The following MSL1 variants were observed in gnomAD, a reference collection of about 807,000 sequenced individuals.
MSL1 encodes MSL complex subunit 1.
A neutral mutation model predicts 64.6 loss-of-function variants in MSL1; 21 were observed. The ratio of observed to expected loss-of-function variants is 0.33; its 90% CI spans 0.23 to 0.47. The LOEUF is 0.47. Ranked by LOEUF, MSL1 falls within the 20% of genes least tolerant of loss-of-function variation. MSL1 has a pLI of 1.00. For missense variants in MSL1, 664 were observed against 793.2 expected, an observed-to-expected ratio of 0.84 and a Z score of 1.96; for synonymous variants, 339 against 329.6, an observed-to-expected ratio of 1.03 and a Z score of -0.31.
chr17:40,128,898 C>T (rs914219035), intron 2 of MSL1, among the ~76,000 whole-genome samples: 4 of 151,910 alleles, frequency 2.6e-5, no homozygotes, highest in African/African-American at 9.7e-5. Context: ...CCTGTAATCC[C>T]AGCTACTCAG....
chr17:40,125,309 G>A (rs1988288465), intron 1 of MSL1, among the ~76,000 whole-genome samples: 1 of 152,010 alleles, frequency 6.6e-6, no homozygotes, highest in African/African-American at 2.4e-5. Context: ...TGGAATTATG[G>A]GTACTGATTT....
At chr17:40,132,984 T>C in intron 5 of MSL1, 58 bp from the exon 6 acceptor site, 1 of 1,466,016 alleles carries the variant, frequency 6.8e-7, no homozygotes, top group Non-Finnish European at 9.4e-7. Context: ...TTAGTTAGTA[T>C]ATGTGTGTAA....
intron 6 of MSL1, 129 bp downstream of exon 6, chr17:40,133,238 C>T: frequency 1.1e-6 from 1 of 892,038 alleles, no homozygotes; most frequent in Non-Finnish European, 1.7e-6. Flanking sequence ...ACATTACTGG[C>T]TTCCCAGTTG....
rs1161687651 is a variant in MSL1 at position 40,136,147 on chromosome 17, C to T, written c.*1778C>T. On this transcript the variant is annotated 3_prime_UTR_variant, in exon 9 of 9. Transcript: ENST00000398532. ...AAGAAAAAAGACCCAATCAGTGTCT[C>T]TTGACTTTGTTCTTTGATCCCTCAG... 1 of 152,290 alleles carries T rather than the reference C, an allele frequency of 6.6e-6. No individual in the cohort carries two copies. The highest frequency in any genetic ancestry group is 2.4e-5 in the African/African-American group (1 of 41,418). The allele number at this position is 152,290 out of a possible 1,614,324, so 9.4% of individuals were successfully genotyped here.
intron 5 of MSL1, among the ~76,000 whole-genome samples, chr17:40,132,703 T>TA (rs1988463675): frequency 6.6e-6 from 1 of 152,204 alleles, no homozygotes; most frequent in Non-Finnish European, 1.5e-5. Flanking sequence ...ATTTGACTCT[T>TA]AAAGTTTTGA....
In MSL1 at chr17:40,123,057, C is replaced by T. The variant is rs1432575402; in HGVS notation, c.445C>T (p.Pro149Ser). ...CTCTCTCGTGGCGGCGGCCAAAGAG[C>T]CTACGCCCTGGGCTGGGGACAAGGG... ...TGSLVAAAKEPTPWAGDKGGA... is the reference protein window; with the variant it reads ...TGSLVAAAKESTPWAGDKGGA... The change falls in exon 1 of 9, where the codon CCT becomes TCT. Residue 149 changes from proline to serine, a missense_variant. By Grantham distance (74) the Pro-to-Ser change is moderately conservative. Transcript: ENST00000398532. The T allele has an allele frequency of 2.0e-6, 3 of 1,532,318 alleles. No individual in the cohort carries two copies. Among genetic ancestry groups the T allele is most frequent in the East Asian group, 2.5e-5 (1 of 40,528 alleles). 94.9% of individuals were successfully genotyped at this position (1,532,318 alleles called of 1,614,324 possible).
Position 40,136,314 on chromosome 17 carries a change from T to C in MSL1, c.*1945T>C, listed in dbSNP as rs1185577825. The C allele has an allele frequency of 6.6e-6, 1 of 152,364 alleles. No homozygotes were observed. Among genetic ancestry groups the C allele is most frequent in the African/African-American group, 2.4e-5 (1 of 41,464 alleles). 9.4% of individuals were successfully genotyped at this position (152,364 alleles called of 1,614,324 possible). A position where few individuals can be genotyped will look rare whatever the true frequency, so the allele number is the denominator to read the frequency against. Reference sequence around the variant, plus strand: ...TGAGAAGAATCCACGAGGTGCTATCTGGCCAGATTTAAGTAGATTCTATTT... The same window carrying C: ...TGAGAAGAATCCACGAGGTGCTATCCGGCCAGATTTAAGTAGATTCTATTT... On this transcript the variant is annotated 3_prime_UTR_variant, in exon 9 of 9. Transcript: ENST00000398532.
chr17:40,128,369 CTTTTTTT>C (rs145183199), intron 2 of MSL1, among the ~76,000 whole-genome samples: 21 of 112,708 alleles, frequency 1.9e-4, no homozygotes, highest in African/African-American at 3.5e-4. Context: ...CTTGAATATT[CTTTTTTT>C]TTTTTTTTTT....
Position 40,122,792 on chromosome 17 carries a change from C to G in MSL1, c.180C>G (p.Ala60=). The part of the protein sequence containing the change: ...RKLKEPGPPL[A]SSQGGSPAPS... ...TCAAGGAGCCGGGGCCCCCGCTGGC[C>G]TCCTCCCAGGGCGGGAGCCCCGCGC... Residue 60 remains alanine, a synonymous_variant, in exon 1 of 9, where the codon GCC becomes GCG. Coordinates refer to ENST00000398532, the MANE Select transcript of MSL1 (RefSeq NM_001365919.1). The surrounding 1 kb of genome is among the most constrained non-coding windows in gnomAD (Gnocchi z 4.2). 7.3e-7 allele frequency: 1 copy of G among 1,375,592 alleles called. No homozygotes were observed. Among genetic ancestry groups the G allele is most frequent in the Non-Finnish European group, 9.3e-7 (1 of 1,073,690 alleles). The allele number at this position is 1,375,592 out of a possible 1,614,324, so 85.2% of individuals were successfully genotyped here.
At position 40,122,736 on chromosome 17, in the gene MSL1, G is replaced by A. The variant is rs1988211694; in HGVS notation, c.124G>A (p.Glu42Lys). Reference protein sequence around the residue: ...GGPEDEPGAAEAHFLPRHRKL... With the variant: ...GGPEDEPGAAKAHFLPRHRKL... The stretch of plus-strand genomic sequence containing the variant: ...GCCCGAGGACGAGCCTGGGGCGGCC[G>A]AAGCCCACTTCCTCCCCCGGCACCG... The change falls in exon 1 of 9, where the codon GAA becomes AAA. Residue 42 changes from glutamate to lysine, a missense_variant. Glu to Lys is a moderately conservative substitution (Grantham distance 56). Around this residue, in one of 4 missense-constraint regions of MSL1, gnomAD observed 466 missense variants for 499.0 expected, o/e 0.93. Coordinates refer to ENST00000398532, the MANE Select transcript of MSL1 (RefSeq NM_001365919.1). The surrounding 1 kb of genome is among the most constrained non-coding windows in gnomAD (Gnocchi z 4.2). The A allele has an allele frequency of 1.4e-6, 2 of 1,451,624 alleles. No individual in the cohort carries two copies. The highest frequency in any genetic ancestry group is 2.7e-5 in the Admixed American group (1 of 37,010). 89.9% of individuals were successfully genotyped at this position (1,451,624 alleles called of 1,614,324 possible).
At position 40,135,965 on chromosome 17, in the gene MSL1, G is replaced by A. The variant is rs1349026440; in HGVS notation, c.*1596G>A. 1 of 152,158 alleles carries A rather than the reference G, an allele frequency of 6.6e-6. No individual in the cohort carries two copies. Among genetic ancestry groups the A allele is most frequent in the Non-Finnish European group, 1.5e-5 (1 of 68,016 alleles). The allele number at this position is 152,158 out of a possible 1,614,324, so 9.4% of individuals were successfully genotyped here. A position where few individuals can be genotyped will look rare whatever the true frequency, so the allele number is the denominator to read the frequency against. ...TGCAGCAAGGATGTAGAGAGAAATA[G>A]GACTTAATTCCACTAGGGGCTCTCA... On this transcript the variant is annotated 3_prime_UTR_variant, in exon 9 of 9. Transcript: ENST00000398532.
At position 40,134,357 on chromosome 17, in the gene MSL1, G is replaced by A. The variant is rs1218575576; in HGVS notation, c.1833G>A (p.Thr611=). The part of the protein sequence containing the change: ...EIQKKQTPHR[T]CRK ...AGAAGAAGCAAACACCTCACCGGACGTGTAGGAAATAGCTGTGCTGGCAAG... is the reference window on the plus strand; with the variant it reads ...AGAAGAAGCAAACACCTCACCGGACATGTAGGAAATAGCTGTGCTGGCAAG... Residue 611 remains threonine (T), a synonymous_variant, in exon 9 of 9, where the codon ACG becomes ACA. Coordinates refer to ENST00000398532, the MANE Select transcript of MSL1 (RefSeq NM_001365919.1). 10 of 1,554,874 alleles carry A rather than the reference G, an allele frequency of 6.4e-6. No homozygotes were observed. Among genetic ancestry groups the A allele is most frequent in the South Asian group, 3.6e-5 (3 of 84,166 alleles).
chr17:40,126,804 C>CAAA (rs571982185), intron 2 of MSL1: 4 of 105,688 alleles, frequency 3.8e-5, no homozygotes, highest in Admixed American at 9.9e-5. Flanking sequence ...GAGACTCCGT[C>CAAA]AAAAAAAAAA....
intron 3 of MSL1, 62 bp downstream of exon 3, chr17:40,129,689 A>G: frequency 1.4e-6 from 2 of 1,463,300 alleles, no homozygotes; most frequent in Non-Finnish European, 1.8e-6. Flanking sequence ...AACAAGTGTG[A>G]AAATGCCTTT....
At chr17:40,132,892 G>A (rs1988468317) in intron 5 of MSL1, 150 bp from the exon 6 acceptor site, 2 of 615,596 alleles carry the variant, frequency 3.2e-6, no homozygotes, top group Non-Finnish European at 5.8e-6. Context: ...CTGTTACCAG[G>A]AGGTTCCCAT....
rs1988537796 is a variant in MSL1 at position 40,136,250 on chromosome 17, C to T, written c.*1881C>T. The stretch of plus-strand genomic sequence containing the variant: ...CAAATTTAACCATTGTGTTTGTGCC[C>T]TACCCAGGGGACTCCCCAGTTTCTG... On this transcript the variant is annotated 3_prime_UTR_variant, in exon 9 of 9. Transcript: ENST00000398532. 1 of 152,300 alleles carries T rather than the reference C, an allele frequency of 6.6e-6. No homozygotes were observed. Among genetic ancestry groups the T allele is most frequent in the Non-Finnish European group, 1.5e-5 (1 of 68,030 alleles). 9.4% of individuals were successfully genotyped at this position (152,300 alleles called of 1,614,324 possible). A position where few individuals can be genotyped will look rare whatever the true frequency, so the allele number is the denominator to read the frequency against.
In MSL1 at chr17:40,122,571, C is replaced by T. The variant is rs1177816350; in HGVS notation, c.-42C>T. The T allele has an allele frequency of 4.4e-6, 6 of 1,375,756 alleles. No individual in the cohort carries two copies. The highest frequency in any genetic ancestry group is 5.6e-6 in the Non-Finnish European group (6 of 1,065,650). 85.2% of individuals were successfully genotyped at this position (1,375,756 alleles called of 1,614,324 possible). On this transcript the variant is annotated 5_prime_UTR_variant, in exon 1 of 9. Transcript: ENST00000398532. The surrounding 1 kb of genome is among the most constrained non-coding windows in gnomAD (Gnocchi z 4.2). ...CCCCCCGCACCTCGCCCCTTCCCCA[C>T]CCCCTCCTCCGCCTCGGTGCCCGGC...
chr17:40,128,610 G>C (rs75905358), intron 2 of MSL1, among the ~76,000 whole-genome samples: 35,440 of 150,464 alleles, frequency 0.24, 4,333 homozygotes, highest in East Asian at 0.31. Flanking sequence ...TCGAACTCCT[G>C]ACCTCAAGTG....
chr17:40,132,741 T>C (rs1988464983), intron 5 of MSL1, among the ~76,000 whole-genome samples: 1 of 152,154 alleles, frequency 6.6e-6, no homozygotes, highest in East Asian at 1.9e-4. Flanking sequence ...TCTTACAAAG[T>C]ATGGAGGCAG....
Sources: allele counts gnomAD v4.1 joint callset (sites outside exome capture counted in the v4.1 genomes callset), GRCh38; gene constraint gnomAD v4.1.1; regional missense constraint gnomAD v4.1.1; non-coding constraint Gnocchi (gnomAD v3.1); transcripts MANE v1.5; gene names NCBI Gene and HGNC (gene_info 2026-07-23, HGNC 2026-07-21).